The following AOPEP variants were observed in gnomAD, a reference collection of about 807,000 sequenced individuals.
AOPEP encodes aminopeptidase O.
AOPEP carries 77 observed loss-of-function variants against 98.1 expected under a neutral mutation model. The ratio of observed to expected loss-of-function variants is 0.78; its 90% CI spans 0.65 to 0.95. The LOEUF (loss-of-function observed/expected upper bound fraction) is 0.95. AOPEP is among the 40% of genes least tolerant of loss of function. The probability of loss-of-function intolerance (pLI) is 0.00; values close to 1 mark genes in which losing one functional copy is unlikely to be tolerated. For synonymous variants in AOPEP, 346 were observed against 365.3 expected, an observed-to-expected ratio of 0.95 and a Z score of 0.60; for missense variants, 1,024 against 1,024.7, an observed-to-expected ratio of 1.00 and a Z score of 0.01.
rs143232163 is a variant in AOPEP, at chr9:95,030,101, T to C, written c.2115+24485T>C. Among the ~76,000 whole-genome samples, 336 of 152,318 alleles carry C rather than the reference T, an allele frequency of 2.2e-3. 1 individual carries two copies. Among genetic ancestry groups the C allele is most frequent in the African/African-American group, 7.2e-3 (300 of 41,572 alleles). ...ACCAACTCAAGATAAGAAATTTAAC[T>C]TTTTTTCCCCCTGAATATCAAAGTG... On this transcript the variant is annotated intron_variant, in intron 13 of 16. Transcript: ENST00000375315.
chr9:95,080,290 G>A (rs187181086), intron 14 of AOPEP, among the ~76,000 whole-genome samples: 164 of 152,296 alleles, frequency 1.1e-3, no homozygotes, highest in Middle Eastern at 3.4e-3. Flanking sequence ...CACTTTGAGA[G>A]GCTGGGGCGG....
intron 5 of AOPEP, among the ~76,000 whole-genome samples, chr9:94,891,709 T>C (rs1397828031): frequency 1.3e-5 from 2 of 152,216 alleles, no homozygotes; most frequent in Non-Finnish European, 2.9e-5. Context: ...TTGTGTGTCA[T>C]ATTAGGTAGT....
intron 9 of AOPEP, among the ~76,000 whole-genome samples, 190 bp downstream of exon 9, chr9:94,956,205 A>C (rs1460706600): frequency 2.0e-5 from 3 of 152,238 alleles, no homozygotes; most frequent in African/African-American, 7.2e-5. Context: ...TGTAGTTTTG[A>C]AATAAACTAT....
At chr9:94,763,964 G>A (rs1317281129) in intron 2 of AOPEP, among the ~76,000 whole-genome samples, 3 of 152,158 alleles carry the variant, frequency 2.0e-5, no homozygotes, top group Non-Finnish European at 4.4e-5. Context: ...AGGAGGTGGG[G>A]CATAACTCCT....
chr9:94,828,734 A>T (rs888087970), intron 5 of AOPEP, among the ~76,000 whole-genome samples: 23 of 151,188 alleles, frequency 1.5e-4, no homozygotes, highest in African/African-American at 3.4e-4. Context: ...ATACACACAC[A>T]ATATATATAT....
chr9:95,060,842 C>T, intron 14 of AOPEP, 32 bp downstream of exon 14: 1 of 1,323,494 alleles, frequency 7.6e-7, no homozygotes, highest in Non-Finnish European at 1.1e-6. Context: ...GTTTAACCAG[C>T]AGGTCCCCAC....
chr9:94,742,985 G>A (rs1451314302), intron 1 of AOPEP, among the ~76,000 whole-genome samples: 1 of 152,024 alleles, frequency 6.6e-6, no homozygotes, highest in Non-Finnish European at 1.5e-5. Flanking sequence ...AATGAGTTGA[G>A]TACCTGAGAT....
chr9:95,102,929 G>A, the AOPEP span, among the ~76,000 whole-genome samples: 1 of 152,360 alleles, frequency 6.6e-6, no homozygotes, highest in Admixed American at 6.5e-5. Context: ...GCCAGGGTCA[G>A]TGCAGCCAGC....
At chr9:95,081,315 T>C (rs755748692) in intron 15 of AOPEP, among the ~76,000 whole-genome samples, 19 of 152,336 alleles carry the variant, frequency 1.2e-4, no homozygotes, top group African/African-American at 2.2e-4. Context: ...GAGACCTTCA[T>C]TGGCCGCCTC....
chr9:94,781,668 C>T (rs1226002071), intron 3 of AOPEP, among the ~76,000 whole-genome samples: 1 of 151,060 alleles, frequency 6.6e-6, no homozygotes, highest in Non-Finnish European at 1.5e-5. Context: ...TTACGCCATT[C>T]TCCTGCCTCA....
At chr9:94,790,604 C>G (rs1845493531) in intron 3 of AOPEP, among the ~76,000 whole-genome samples, 1 of 152,094 alleles carries the variant, frequency 6.6e-6, no homozygotes, top group Admixed American at 6.5e-5. Context: ...TTTTGTCTCT[C>G]TCTTTCAAGT....
chr9:94,850,991 T>TAGCAATGTGGC (rs1488408569), intron 5 of AOPEP, among the ~76,000 whole-genome samples: 1 of 152,172 alleles, frequency 6.6e-6, no homozygotes, highest in Non-Finnish European at 1.5e-5. Context: ...TGATCACATC[T>TAGCAATGTGGC]AGCAATGTGG....
At chr9:95,054,543 C>A (rs1179410610) in intron 13 of AOPEP, among the ~76,000 whole-genome samples, 2 of 152,162 alleles carry the variant, frequency 1.3e-5, no homozygotes, top group Non-Finnish European at 2.9e-5. Context: ...CACTTACAAT[C>A]TGGAAACATG....
chr9:94,869,293 A>G (rs539119607), intron 5 of AOPEP, among the ~76,000 whole-genome samples: 4 of 152,328 alleles, frequency 2.6e-5, no homozygotes, highest in Admixed American at 2.0e-4. Flanking sequence ...AAATTTGTCC[A>G]TGTTGCTGTG....
chr9:94,782,208 A>G (rs149413242), intron 3 of AOPEP, among the ~76,000 whole-genome samples: 30 of 152,186 alleles, frequency 2.0e-4, no homozygotes, highest in African/African-American at 7.0e-4. Context: ...AAGAAACAAA[A>G]AAAGAAAAAG....
intron 5 of AOPEP, among the ~76,000 whole-genome samples, chr9:94,827,935 C>A (rs1855006014): frequency 6.6e-6 from 1 of 152,040 alleles, no homozygotes; most frequent in Non-Finnish European, 1.5e-5. Flanking sequence ...TTATAAAAAT[C>A]AGAAATATAA....
chr9:95,042,911 T>C (rs1308119995), intron 13 of AOPEP, among the ~76,000 whole-genome samples: 1 of 152,136 alleles, frequency 6.6e-6, no homozygotes, highest in Admixed American at 6.5e-5. Flanking sequence ...ATGTTGATAA[T>C]GTAAAGGGTA....
rs2070759141 is a variant in AOPEP at position 95,086,891 on chromosome 9, T to TGGAG, written c.*216_*219dup. On this transcript the variant is annotated 3_prime_UTR_variant, in exon 17 of 17. Transcript: ENST00000375315. ...TTCTCGTAAACGCAGCCTCCCTCCCTGGAGGCTGCCTCCTGCCCTGGATCT... is the reference window on the plus strand; with the variant it reads ...TTCTCGTAAACGCAGCCTCCCTCCCTGGAGGGAGGCTGCCTCCTGCCCTGGATCT... 1.0e-6 allele frequency: 1 copy of TGGAG among 987,022 alleles called. No homozygotes were observed. The highest frequency in any genetic ancestry group is 6.2e-5 in the Admixed American group (1 of 16,216). 61.1% of individuals were successfully genotyped at this position (987,022 alleles called of 1,614,324 possible). A position where few individuals can be genotyped will look rare whatever the true frequency, so the allele number is the denominator to read the frequency against.
chr9:95,109,135 C>T, the AOPEP span, among the ~76,000 whole-genome samples: 1 of 152,256 alleles, frequency 6.6e-6, no homozygotes, highest in Admixed American at 6.5e-5. Flanking sequence ...TGGTCTCAAA[C>T]TCATGGATTC....
Sources: allele counts gnomAD v4.1 joint callset (sites outside exome capture counted in the v4.1 genomes callset), GRCh38; gene constraint gnomAD v4.1.1; transcripts MANE v1.5; gene names NCBI Gene and HGNC (gene_info 2026-07-23, HGNC 2026-07-21).